Variants in FAM53B observed in about 807,000 individuals in gnomAD.
FAM53B encodes the protein family with sequence similarity 53 member B, also known as protein FAM53B.
Under a neutral mutation model 32.7 loss-of-function variants are expected in FAM53B, and 12 were observed. The observed-to-expected ratio is 0.37, with a 90% CI of 0.24 to 0.59. FAM53B has a LOEUF of 0.59. Among genes scored for constraint, FAM53B ranks in the 20% least tolerant of loss-of-function variants. The pLI is 0.72. For missense variants in FAM53B, 477 were observed against 577.7 expected, an observed-to-expected ratio of 0.83 and a Z score of 1.79; for synonymous variants, 234 against 228.7, an observed-to-expected ratio of 1.02 and a Z score of -0.21.
intron 4 of FAM53B, among the ~76,000 whole-genome samples, chr10:124,645,659 T>C (rs1385323904): frequency 1.3e-5 from 2 of 152,226 alleles, no homozygotes; most frequent in African/African-American, 2.4e-5. Context: ...ACGCACACTG[T>C]TGGCGGCTGT....
At chr10:124,696,573 G>A (rs1259918598) in intron 2 of FAM53B, among the ~76,000 whole-genome samples, 1 of 152,150 alleles carries the variant, frequency 6.6e-6, no homozygotes, top group East Asian at 1.9e-4. Flanking sequence ...GCTGAGAAGA[G>A]ACCAAGAGAG....
chr10:124,700,515 C>A (rs1194584138), intron 2 of FAM53B, among the ~76,000 whole-genome samples: 1 of 152,196 alleles, frequency 6.6e-6, no homozygotes, highest in Non-Finnish European at 1.5e-5. Flanking sequence ...CACCGTGAAG[C>A]CTCTGTTCCC....
intron 4 of FAM53B, among the ~76,000 whole-genome samples, chr10:124,634,776 C>G (rs1589732033): frequency 6.6e-6 from 1 of 152,280 alleles, no homozygotes; most frequent in East Asian, 1.9e-4. Flanking sequence ...GTGGTGGTGG[C>G]TGAAGGGGAC....
At chr10:124,667,190 T>C in intron 4 of FAM53B, 1 of 553,608 alleles carries the variant, frequency 1.8e-6, no homozygotes, top group Non-Finnish European at 3.2e-6. Flanking sequence ...GAACATAAAA[T>C]AGTGCATTCA....
rs1589754112 is a variant in FAM53B, at chr10:124,697,287, C to T, written c.79-1075G>A. Among the ~76,000 whole-genome samples, 6 of 152,168 alleles carry T rather than the reference C, an allele frequency of 3.9e-5. 1 individual carries two copies. In the South Asian group the frequency reaches 1.2e-3, roughly 31 times the overall value. ...AGAAATGAGCCTGTCACAGAAGGCT[C>T]TGACTTCTAAAAGGAACCCTGAACA... On this transcript the variant is annotated intron_variant, in intron 2 of 4. Coordinates refer to ENST00000337318, the MANE Select transcript of FAM53B (RefSeq NM_014661.4).
chr10:124,675,974 C>G (rs921104641), intron 4 of FAM53B, among the ~76,000 whole-genome samples: 7 of 152,244 alleles, frequency 4.6e-5, no homozygotes, highest in African/African-American at 1.7e-4. Context: ...AAGACCTCCA[C>G]TAAGTTCACC....
At chr10:124,627,075 G>A (rs975230318) in intron 4 of FAM53B, among the ~76,000 whole-genome samples, 7 of 152,194 alleles carry the variant, frequency 4.6e-5, no homozygotes, top group South Asian at 2.1e-4. Context: ...TGAGAATTCC[G>A]TTGACTCAAA....
intron 4 of FAM53B, among the ~76,000 whole-genome samples, chr10:124,658,637 A>G (rs1021316306): frequency 2.6e-5 from 4 of 152,196 alleles, no homozygotes; most frequent in Admixed American, 2.6e-4. Flanking sequence ...AGAGGGAGGA[A>G]GGTGCACACG....
At chr10:124,655,256 G>C (rs1949581321) in intron 4 of FAM53B, among the ~76,000 whole-genome samples, 1 of 151,976 alleles carries the variant, frequency 6.6e-6, no homozygotes, top group African/African-American at 2.4e-5. Flanking sequence ...CCACACCCTG[G>C]GACTACCTCC....
intron 1 of FAM53B, among the ~76,000 whole-genome samples, chr10:124,718,248 C>A (rs967753520): frequency 1.3e-5 from 2 of 152,120 alleles, no homozygotes; most frequent in African/African-American, 4.8e-5. Context: ...TGCCCATGTG[C>A]CACCCACTCA....
At chr10:124,633,671 G>GAATCTCAAAGCAGAGGAGAAAAGATGGC (rs1949407366) in intron 4 of FAM53B, among the ~76,000 whole-genome samples, 1 of 152,196 alleles carries the variant, frequency 6.6e-6, no homozygotes, top group Non-Finnish European at 1.5e-5. Context: ...GATAAGGGTA[G>GAATCTCAAAGCAGAGGAGAAAAGATGGC]AATCTCAAAG....
intron 4 of FAM53B, among the ~76,000 whole-genome samples, chr10:124,632,138 C>T (rs556510815): frequency 6.6e-6 from 1 of 152,366 alleles, no homozygotes; most frequent in East Asian, 1.9e-4. Flanking sequence ...AACCCAGGGG[C>T]CCCTCTCCGA....
rs1332989354 is a variant in FAM53B, at chr10:124,651,720, A to G, written c.907-28116T>C. ...CTGCCTGCTCTGGAGGGTCAAGGTC[A>G]GCAGAGCCCCACAGATGTCTAGCCC... On this transcript the variant is annotated intron_variant, in intron 4 of 4. Coordinates refer to ENST00000337318, the MANE Select transcript of FAM53B (RefSeq NM_014661.4). The surrounding 1 kb of genome is among the most constrained non-coding windows in gnomAD (Gnocchi z 5.2). Among the ~76,000 whole-genome samples, 1 of 152,182 alleles carries G rather than the reference A, an allele frequency of 6.6e-6. No homozygotes were observed. The highest frequency in any genetic ancestry group is 1.5e-5 in the Non-Finnish European group (1 of 68,020).
intron 4 of FAM53B, among the ~76,000 whole-genome samples, chr10:124,656,755 A>C (rs1351635598): frequency 1.3e-5 from 2 of 152,204 alleles, no homozygotes; most frequent in African/African-American, 2.4e-5. Flanking sequence ...ATACAAGAGC[A>C]TCAACATTCA....
chr10:124,722,102 A>G (rs1053137208), intron 1 of FAM53B, among the ~76,000 whole-genome samples: 8 of 152,236 alleles, frequency 5.3e-5, no homozygotes, highest in Non-Finnish European at 1.2e-4. Flanking sequence ...AGATAGAAGG[A>G]GTACGTTCTA....
At chr10:124,678,070 G>A (rs1185782631) in intron 4 of FAM53B, among the ~76,000 whole-genome samples, 1 of 152,234 alleles carries the variant, frequency 6.6e-6, no homozygotes, top group Admixed American at 6.5e-5. Context: ...GGCGTGAACA[G>A]AAAAGGGAGG....
chr10:124,720,187 A>G (rs1950060914), intron 1 of FAM53B, among the ~76,000 whole-genome samples: 1 of 151,670 alleles, frequency 6.6e-6, no homozygotes, highest in Admixed American at 6.6e-5. Flanking sequence ...AAACAAACAA[A>G]CCACCAACAC....
In FAM53B at chr10:124,620,066, CTTTA is replaced by C. The variant is rs1473733659; in HGVS notation, c.*3172_*3175del. 2 of 152,480 alleles carry C rather than the reference CTTTA, an allele frequency of 1.3e-5. No homozygotes were observed. Among genetic ancestry groups the C allele is most frequent in the Non-Finnish European group, 2.9e-5 (2 of 68,050 alleles). The allele number at this position is 152,480 out of a possible 1,614,324, so 9.4% of individuals were successfully genotyped here. ...GTTTTCTTTTTAATGTGGACTTCCCCTTTATTTAAATTTTCTTTCAGTGTACAAA... is the reference window on the plus strand; with the variant it reads ...GTTTTCTTTTTAATGTGGACTTCCCCTTTAAATTTTCTTTCAGTGTACAAA... On this transcript the variant is annotated 3_prime_UTR_variant, in exon 5 of 5. Transcript: ENST00000337318.
At chr10:124,638,193 C>A in intron 4 of FAM53B, among the ~76,000 whole-genome samples, 1 of 152,166 alleles carries the variant, frequency 6.6e-6, no homozygotes, top group East Asian at 1.9e-4. Context: ...CACAGTGAAA[C>A]CCCGTCTCTA....
Sources: allele counts gnomAD v4.1 joint callset (sites outside exome capture counted in the v4.1 genomes callset), GRCh38; gene constraint gnomAD v4.1.1; non-coding constraint Gnocchi (gnomAD v3.1); transcripts MANE v1.5; gene names NCBI Gene and HGNC (gene_info 2026-07-23, HGNC 2026-07-21).